Variants in KCNQ2 observed in about 807,000 individuals in gnomAD.
The protein encoded by KCNQ2 is potassium voltage-gated channel subfamily Q member 2.
Under a neutral mutation model 84.8 loss-of-function variants are expected in KCNQ2, and 14 were observed. The ratio of observed to expected loss-of-function variants is 0.17; its 90% CI spans 0.11 to 0.26. The LOEUF is 0.26. Among genes scored for constraint, KCNQ2 ranks in the 10% least tolerant of loss-of-function variants. The pLI, the probability that KCNQ2 is intolerant of heterozygous loss-of-function variation, is 1.00. For synonymous variants in KCNQ2, 599 were observed against 554.1 expected (o/e 1.08, Z -1.14); for missense variants, 788 against 1,254.0 (o/e 0.63, Z 5.61).
At position 63,408,702 on chromosome 20, in the gene KCNQ2, G is replaced by A. The variant is rs974692713; in HGVS notation, c.1764-166C>T. On this transcript the variant is annotated intron_variant, in intron 15 of 16. Coordinates refer to ENST00000359125, the MANE Select transcript of KCNQ2 (RefSeq NM_172107.4). The surrounding 1 kb of genome is among the most constrained non-coding windows in gnomAD (Gnocchi z 5.0). Reference sequence around the variant, plus strand: ...AGGACAGATGGACGGGGTGCGCCCCGTTCTCAGCCCGTCTTCTGGCACCGT... The same window carrying A: ...AGGACAGATGGACGGGGTGCGCCCCATTCTCAGCCCGTCTTCTGGCACCGT... Among the ~76,000 whole-genome samples, 21 of 152,348 alleles carry A rather than the reference G, an allele frequency of 1.4e-4. No homozygotes were observed. The highest frequency in any genetic ancestry group is 2.1e-4 in the South Asian group (1 of 4,830).
chr20:63,408,080 C>G lies in KCNQ2; in HGVS notation c.1887+333G>C, dbSNP rs2080003256. On this transcript the variant is annotated intron_variant, in intron 16 of 16. Coordinates refer to ENST00000359125, the MANE Select transcript of KCNQ2 (RefSeq NM_172107.4). The surrounding 1 kb of genome is among the most constrained non-coding windows in gnomAD (Gnocchi z 5.0). ...CGGCCAGGGTGTCGGGCAAGGAGGACAGAGAGGAGGAAGGCCAGGCAGGTA... is the reference window on the plus strand; with the variant it reads ...CGGCCAGGGTGTCGGGCAAGGAGGAGAGAGAGGAGGAAGGCCAGGCAGGTA... The G allele has an allele frequency of 5.4e-6, 2 of 369,118 alleles. No homozygotes were observed. The highest frequency in any genetic ancestry group is 5.0e-5 in the South Asian group (2 of 39,646). The allele number at this position is 369,118 out of a possible 1,614,324, so 22.9% of individuals were successfully genotyped here.
chr20:63,440,593 G>A (rs1354810397), intron 5 of KCNQ2, among the ~76,000 whole-genome samples: 2 of 152,226 alleles, frequency 1.3e-5, no homozygotes, highest in African/African-American at 4.8e-5. Context: ...AACAGACAGA[G>A]GGATCGAGGC....
intron 7 of KCNQ2, among the ~76,000 whole-genome samples, chr20:63,436,775 C>CTTTTT (rs60028841): frequency 8.2e-6 from 1 of 122,374 alleles, no homozygotes; most frequent in African/African-American, 3.2e-5. Context: ...ATAAACATAA[C>CTTTTT]TTTTTTTTTT....
intron 7 of KCNQ2, among the ~76,000 whole-genome samples, chr20:63,435,765 C>T (rs1171031002): frequency 6.6e-6 from 1 of 152,242 alleles, no homozygotes; most frequent in Non-Finnish European, 1.5e-5. Flanking sequence ...CGGCTGCCAA[C>T]TCTGGTTTTC....
chr20:63,458,833 C>T (rs2081874543), intron 1 of KCNQ2, among the ~76,000 whole-genome samples: 1 of 152,252 alleles, frequency 6.6e-6, no homozygotes, highest in Admixed American at 6.5e-5. Context: ...CGTCACTGCA[C>T]CACCTTCCGC....
rs2080880891 is a variant in KCNQ2 at position 63,433,124 on chromosome 20, C to T, written c.1118+685G>A. 3.9e-5 allele frequency among the ~76,000 whole-genome samples: 6 copies of T among 152,350 alleles called. No homozygotes were observed. The South Asian group carries it at 1.2e-3, about 32-fold the overall frequency. On this transcript the variant is annotated intron_variant, in intron 8 of 16. Transcript: ENST00000359125. Reference sequence around the variant, plus strand: ...TAAGCAAGAGCCAGGCAACGAAAATCCCAGCTGGCTGCCACCTGCCCTTTT... The same window carrying T: ...TAAGCAAGAGCCAGGCAACGAAAATTCCAGCTGGCTGCCACCTGCCCTTTT...
chr20:63,472,425 G>A lies in KCNQ2; in HGVS notation c.39C>T (p.Gly13=). 2 of 1,537,304 alleles carry A rather than the reference G, an allele frequency of 1.3e-6. No homozygotes were observed. The highest frequency in any genetic ancestry group is 5.0e-5 in the East Asian group (2 of 39,722). ...QKSRNGGVYP[G]PSGEKKLKVG... ...CCTTCAGCTTCTTCTCCCCGCTCGG[G>A]CCGGGGTATACGCCGCCGTTGCGCG... Residue 13 remains glycine, a synonymous_variant, in exon 1 of 17, where the codon GGC becomes GGT. Coordinates refer to ENST00000359125, the MANE Select transcript of KCNQ2 (RefSeq NM_172107.4).
chr20:63,421,956 G>A (rs539053345), intron 11 of KCNQ2, among the ~76,000 whole-genome samples: 3 of 152,302 alleles, frequency 2.0e-5, no homozygotes, highest in African/African-American at 4.8e-5. Flanking sequence ...CCCGCCAGCC[G>A]GGTCGCCTGC....
rs2079968880 is a variant in KCNQ2 at position 63,407,137 on chromosome 20, G to A, written c.2126C>T (p.Pro709Leu). Residue 709 changes from proline (P) to leucine (L), a missense_variant, in exon 17 of 17, where the codon CCT becomes CTT. Transcript: ENST00000359125. This position sits in a 1 kb window ranked among gnomAD's most constrained non-coding sequence, Gnocchi z 7.2. ...KNFSAPPAAP[P>L]VQCPPSTSWQ... ...GGAGGTGGAGGGCGGACACTGGACA[G>A]GGGGCGCGGCCGGGGGCGCCGAGAA... The A allele has an allele frequency of 1.3e-6, 2 of 1,567,270 alleles. No individual in the cohort carries two copies. Among genetic ancestry groups the A allele is most frequent in the Middle Eastern group, 1.7e-4 (1 of 6,010 alleles).
At position 63,472,457 on chromosome 20, in the gene KCNQ2, G is replaced by C. The variant is rs868642147; in HGVS notation, c.7C>G (p.Gln3Glu). The change falls in exon 1 of 17, where the codon CAG becomes GAG. Residue 3 changes from glutamine to glutamate, a missense_variant. Physicochemically the swap from Gln to Glu is conservative, Grantham distance 29. Coordinates refer to ENST00000359125, the MANE Select transcript of KCNQ2 (RefSeq NM_172107.4). Reference sequence around the variant, plus strand: ...TATACGCCGCCGTTGCGCGACTTCTGCACCATGGTGCCTGGCGGGAGGCGC... The same window carrying C: ...TATACGCCGCCGTTGCGCGACTTCTCCACCATGGTGCCTGGCGGGAGGCGC... Reference protein sequence around the residue: MVQKSRNGGVYPG... With the variant: MVEKSRNGGVYPG... 12 of 1,511,476 alleles carry C rather than the reference G, an allele frequency of 7.9e-6. No individual in the cohort carries two copies. Among genetic ancestry groups the C allele is most frequent in the Non-Finnish European group, 1.8e-6 (2 of 1,136,918 alleles). The allele number at this position is 1,511,476 out of a possible 1,614,324, so 93.6% of individuals were successfully genotyped here. A position where few individuals can be genotyped will look rare whatever the true frequency, so the allele number is the denominator to read the frequency against.
rs1044781302 is a variant in KCNQ2, at chr20:63,400,445, C to A, written c.*6199G>T. Reference sequence around the variant, plus strand: ...AGAAAACTAGAGTTCATTCCCTGGGCGTCTATCCCTAGAAAATGGACGGTG... The same window carrying A: ...AGAAAACTAGAGTTCATTCCCTGGGAGTCTATCCCTAGAAAATGGACGGTG... On this transcript the variant is annotated 3_prime_UTR_variant, in exon 17 of 17. Transcript: ENST00000359125. The surrounding 1 kb of genome is among the most constrained non-coding windows in gnomAD (Gnocchi z 8.7). 4 of 397,008 alleles carry A rather than the reference C, an allele frequency of 1.0e-5. No homozygotes were observed. Among genetic ancestry groups the A allele is most frequent in the Non-Finnish European group, 1.8e-5 (4 of 225,660 alleles). 24.6% of individuals were successfully genotyped at this position (397,008 alleles called of 1,614,324 possible). A position where few individuals can be genotyped will look rare whatever the true frequency, so the allele number is the denominator to read the frequency against.
chr20:63,429,558 C>T (rs75990250), intron 9 of KCNQ2, among the ~76,000 whole-genome samples: 5,616 of 152,292 alleles, frequency 0.037, 148 homozygotes, highest in Non-Finnish European at 0.052. Context: ...GGCCCACATC[C>T]TCCAGACTCT....
Position 63,400,973 on chromosome 20 carries a change from A to C in KCNQ2, c.*5671T>G, listed in dbSNP as rs571153168. Reference sequence around the variant, plus strand: ...TTAAGGCAACGACTTTGTAAAACCCAGGCGGAGTTGGCGTGTGGCGATGGC... The same window carrying C: ...TTAAGGCAACGACTTTGTAAAACCCCGGCGGAGTTGGCGTGTGGCGATGGC... On this transcript the variant is annotated 3_prime_UTR_variant, in exon 17 of 17. Coordinates refer to ENST00000359125, the MANE Select transcript of KCNQ2 (RefSeq NM_172107.4). The surrounding 1 kb of genome is among the most constrained non-coding windows in gnomAD (Gnocchi z 8.7). 34 of 397,714 alleles carry C rather than the reference A, an allele frequency of 8.5e-5. No individual in the cohort carries two copies. The highest frequency in any genetic ancestry group is 5.5e-4 in the African/African-American group (27 of 48,734). The allele number at this position is 397,714 out of a possible 1,614,324, so 24.6% of individuals were successfully genotyped here.
intron 10 of KCNQ2, among the ~76,000 whole-genome samples, chr20:63,424,869 G>A (rs1033612504): frequency 2.0e-5 from 3 of 152,222 alleles, no homozygotes; most frequent in Non-Finnish European, 4.4e-5. Flanking sequence ...AGGCCCCAGC[G>A]ATCTCATTCG....
chr20:63,472,100 G>A, intron 1 of KCNQ2, 68 bp downstream of exon 1: 4 of 1,195,038 alleles, frequency 3.3e-6, no homozygotes, highest in Non-Finnish European at 4.5e-6. Context: ...GCCTGGCCGG[G>A]GTCGCCGATG....
At chr20:63,455,035 T>C (rs375055838) in intron 1 of KCNQ2, among the ~76,000 whole-genome samples, 2 of 152,100 alleles carry the variant, frequency 1.3e-5, no homozygotes, top group Admixed American at 1.3e-4. Context: ...CGCCCCCTCC[T>C]GCCCAGGCAG....
chr20:63,442,849 C>G (rs111220218), intron 4 of KCNQ2, among the ~76,000 whole-genome samples: 1 of 41,840 alleles, frequency 2.4e-5, no homozygotes, highest in Non-Finnish European at 5.6e-5. Flanking sequence ...CCACCATCAC[C>G]ATCACCACCA....
At chr20:63,471,253 G>T (rs2082207052) in intron 1 of KCNQ2, 1 of 152,316 alleles carries the variant, frequency 6.6e-6, no homozygotes, top group South Asian at 2.1e-4. Context: ...CTGGCGCGGG[G>T]AGGCTGTGCA....
rs2079991689 is a variant in KCNQ2 at position 63,407,652 on chromosome 20, G to A, written c.1888-277C>T. On this transcript the variant is annotated intron_variant, in intron 16 of 16. Coordinates refer to ENST00000359125, the MANE Select transcript of KCNQ2 (RefSeq NM_172107.4). The surrounding 1 kb of genome is among the most constrained non-coding windows in gnomAD (Gnocchi z 7.2). ...ACCCAGGCTAGTCCCAGGAAATGGG[G>A]GGGACCCAGGCTGGTCCTAGGAGAT... is the stretch of plus-strand genomic sequence containing the variant. Among the ~76,000 whole-genome samples, 1 of 151,974 alleles carries A rather than the reference G, an allele frequency of 6.6e-6. No homozygotes were observed. The highest frequency in any genetic ancestry group is 1.5e-5 in the Non-Finnish European group (1 of 67,924).
Sources: gnomAD v4.1 joint callset for allele counts (sites outside exome capture counted in the v4.1 genomes callset) on GRCh38, gnomAD v4.1.1 for gene constraint, Gnocchi (gnomAD v3.1) non-coding constraint, MANE v1.5 for transcripts, NCBI Gene and HGNC (gene_info 2026-07-23, HGNC 2026-07-21) for gene names.